LRTM1: variants seen among roughly 807,000 people sequenced by gnomAD.
LRTM1 encodes the protein leucine-rich repeat and transmembrane domain-containing protein 1.
Under a neutral mutation model 32.4 loss-of-function variants are expected in LRTM1, and 38 were observed. The observed-to-expected ratio is 1.17, with a 90% confidence interval of 0.91 to 1.54. The LOEUF (loss-of-function observed/expected upper bound fraction) is 1.54, where lower values mean the gene tolerates loss of function less well. Ranked by LOEUF, LRTM1 falls within the 40% of genes most tolerant of loss-of-function variation. The pLI, the probability that LRTM1 is intolerant of heterozygous loss-of-function variation, is 0.00. For synonymous variants in LRTM1, 186 were observed against 169.9 expected, an observed-to-expected ratio of 1.09 and a Z score of -0.74; for missense variants, 466 against 415.4, an observed-to-expected ratio of 1.12 and a Z score of -1.06.
At position 54,918,836 on chromosome 3, in the gene LRTM1, G is replaced by A. The variant is rs151248727; in HGVS notation, c.661C>T (p.Leu221Phe). The A allele has an allele frequency of 3.1e-6, 5 of 1,588,446 alleles. No individual in the cohort carries two copies. In the Admixed American group the frequency reaches 8.7e-5, roughly 28 times the overall value. The change falls in exon 3 of 3, where the codon CTC becomes TTC. Residue 221 changes from leucine (L) to phenylalanine (F), a missense_variant. Leu to Phe is a conservative substitution (Grantham distance 22). Coordinates refer to ENST00000273286, the MANE Select transcript of LRTM1 (RefSeq NM_020678.4). ...TACAGCTCATGAGGGATCCTAAGGA[G>A]GTCCTTTCCCTTCCAGGTGTCTGGT... ...ESPDTWKGKD[L>F]LRIPHELYQP...
chr3:54,935,261 A>G (rs555580084), intron 1 of LRTM1, among the ~76,000 whole-genome samples: 2 of 152,256 alleles, frequency 1.3e-5, no homozygotes, highest in East Asian at 3.9e-4. Context: ...AATCCTCCCT[A>G]TACTGTCAGG....
At chr3:54,931,258 A>AT (rs1194097287), upstream of LRTM1, among the ~76,000 whole-genome samples, 2 of 152,108 alleles carry the variant, frequency 1.3e-5, no homozygotes, top group Non-Finnish European at 2.9e-5. Context: ...TTACTGCCCA[A>AT]GGGGTTTTTT....
chr3:54,930,990 G>A (rs1334226452), upstream of LRTM1, among the ~76,000 whole-genome samples: 1 of 151,342 alleles, frequency 6.6e-6, no homozygotes, highest in East Asian at 1.9e-4. Context: ...CAGCTACTCA[G>A]GAGGCTGAGG....
chr3:54,924,735 C>G lies in LRTM1; in HGVS notation c.488G>C (p.Arg163Pro), dbSNP rs201096330. The change falls in exon 2 of 3, where the codon CGA (arginine) becomes CCA (proline). Residue 163 changes from arginine (R) to proline (P), a missense_variant. Physicochemically the swap from Arg to Pro is moderately radical, Grantham distance 103 (BLOSUM62 -2). Transcript: ENST00000273286. ...VQQNQLQQLDRALLESMPSVR... is the reference protein window; with the variant it reads ...VQQNQLQQLDPALLESMPSVR... ...ACTGGGCATGGATTCCAGGAGCGCT[C>G]GATCAAGCTGCTGAAGCTGGTTTTG... The G allele has an allele frequency of 2.4e-5, 39 of 1,614,092 alleles. No individual in the cohort carries two copies. In the East Asian group the frequency reaches 8.0e-4, roughly 33 times the overall value.
intron 1 of LRTM1, among the ~76,000 whole-genome samples, chr3:54,960,054 G>A (rs1327240972): frequency 6.8e-6 from 1 of 147,196 alleles, no homozygotes; most frequent in Admixed American, 6.8e-5. Flanking sequence ...AAAGGTGACA[G>A]TTCCGAGAAG....
chr3:54,918,671 T>A lies in LRTM1; in HGVS notation c.826A>T (p.Lys276Ter). 6.2e-7 allele frequency: 1 copy of A among 1,614,174 alleles called. No homozygotes were observed. Among genetic ancestry groups the A allele is most frequent in the African/African-American group, 1.3e-5 (1 of 75,040 alleles). ...RELLECELKP[K>*]PRPANLRHAI... ...TGACGCAGGTTGGCCGGCCTTGGCTTGGGTTTGAGCTCGCACTCCAAGAGT... is the reference window on the plus strand; with the variant it reads ...TGACGCAGGTTGGCCGGCCTTGGCTAGGGTTTGAGCTCGCACTCCAAGAGT... Residue 276 changes from lysine (K) to a stop codon, truncating the protein, a stop_gained, in exon 3 of 3, where the codon AAG becomes TAG. Coordinates refer to ENST00000273286, the MANE Select transcript of LRTM1 (RefSeq NM_020678.4). LOFTEE classifies it high-confidence loss of function.
upstream of LRTM1, among the ~76,000 whole-genome samples, chr3:54,929,016 G>A (rs1575383739): frequency 6.6e-6 from 1 of 152,128 alleles, no homozygotes; most frequent in East Asian, 1.9e-4. Context: ...AAAATGTTCT[G>A]CTGTGTGTAA....
intron 1 of LRTM1, among the ~76,000 whole-genome samples, chr3:54,955,080 A>T (rs9858616): frequency 0.036 from 5,422 of 152,264 alleles, 311 homozygotes; most frequent in African/African-American, 0.12. Flanking sequence ...AGTAGGAGAG[A>T]AGACATACAA....
intron 1 of LRTM1, among the ~76,000 whole-genome samples, chr3:54,966,674 C>T (rs1702158828): frequency 6.6e-6 from 1 of 152,094 alleles, no homozygotes; most frequent in Admixed American, 6.5e-5. Flanking sequence ...CAAAAATTAG[C>T]CAGGTGTGGT....
At chr3:54,933,527 A>T in intron 1 of LRTM1, among the ~76,000 whole-genome samples, 1 of 152,216 alleles carries the variant, frequency 6.6e-6, no homozygotes, top group East Asian at 1.9e-4. Context: ...GTCTAACAGC[A>T]AGAGATGCTG....
At chr3:54,937,845 G>A (rs1293898604) in intron 1 of LRTM1, among the ~76,000 whole-genome samples, 1 of 152,144 alleles carries the variant, frequency 6.6e-6, no homozygotes, top group African/African-American at 2.4e-5. Flanking sequence ...CAGAGGGTGA[G>A]GAAGGAGCTT....
At chr3:54,940,886 G>A (rs1371318881) in intron 1 of LRTM1, among the ~76,000 whole-genome samples, 1 of 152,154 alleles carries the variant, frequency 6.6e-6, no homozygotes, top group Non-Finnish European at 1.5e-5. Flanking sequence ...AAAGGTATCT[G>A]TATGTTTGCA....
At chr3:54,937,902 C>T (rs1371897972) in intron 1 of LRTM1, among the ~76,000 whole-genome samples, 5 of 152,118 alleles carry the variant, frequency 3.3e-5, no homozygotes, top group Non-Finnish European at 7.4e-5. Flanking sequence ...TTGCTGTCCC[C>T]GACCTCATCT....
chr3:54,937,340 T>C (rs1304216791), intron 1 of LRTM1, among the ~76,000 whole-genome samples: 1 of 152,180 alleles, frequency 6.6e-6, no homozygotes, highest in Non-Finnish European at 1.5e-5. Flanking sequence ...AGAAATTCAT[T>C]ATACCACTAT....
At chr3:54,928,309 C>G (rs1400910992), upstream of LRTM1, among the ~76,000 whole-genome samples, 3 of 152,140 alleles carry the variant, frequency 2.0e-5, no homozygotes, top group African/African-American at 7.2e-5. Context: ...ATTATTTAAT[C>G]TGCTTGAAGT....
intron 1 of LRTM1, among the ~76,000 whole-genome samples, chr3:54,964,993 A>G (rs1702115990): frequency 6.6e-6 from 1 of 152,136 alleles, no homozygotes; most frequent in South Asian, 2.1e-4. Context: ...CTAAAAATAT[A>G]AACCTGATCC....
intron 1 of LRTM1, among the ~76,000 whole-genome samples, chr3:54,940,133 G>C (rs1047134960): frequency 9.9e-5 from 15 of 152,276 alleles, no homozygotes; most frequent in African/African-American, 3.6e-4. Flanking sequence ...TTGGTGTCTA[G>C]TCTCAGGCCA....
chr3:54,960,381 T>C (rs1702002360), intron 1 of LRTM1, among the ~76,000 whole-genome samples: 1 of 152,218 alleles, frequency 6.6e-6, no homozygotes, highest in Non-Finnish European at 1.5e-5. Flanking sequence ...AAGTGAAATA[T>C]GCAATCATTT....
chr3:54,944,588 T>A (rs1005633198), intron 1 of LRTM1, among the ~76,000 whole-genome samples: 88 of 151,952 alleles, frequency 5.8e-4, no homozygotes, highest in African/African-American at 2.0e-3. Context: ...GCCTGGCTAA[T>A]TTTTTTGTAT....
Sources: gnomAD v4.1 joint callset for allele counts (sites outside exome capture counted in the v4.1 genomes callset) on GRCh38, gnomAD v4.1.1 for gene constraint, MANE v1.5 for transcripts, NCBI Gene and HGNC (gene_info 2026-07-23, HGNC 2026-07-21) for gene names.